PCDH15: variants seen among roughly 807,000 people sequenced by gnomAD.
PCDH15 encodes the protein protocadherin-15.
PCDH15 carries 129 observed loss-of-function variants against 178.5 expected under a neutral mutation model. The ratio of observed to expected loss-of-function variants is 0.72; its 90% CI spans 0.63 to 0.84. The LOEUF (loss-of-function observed/expected upper bound fraction) is 0.84, where lower values mean the gene tolerates loss of function less well. Among genes scored for constraint, PCDH15 ranks in the 40% least tolerant of loss-of-function variants. The pLI is 0.00. For missense variants in PCDH15, 2,230 were observed against 2,099.9 expected, an observed-to-expected ratio of 1.06 and a Z score of -1.21; for synonymous variants, 800 against 732.0, an observed-to-expected ratio of 1.09 and a Z score of -1.50.
rs948409364 is a variant in PCDH15, at chr10:55,487,032, T to C, written c.-156+140593A>G. Among the ~76,000 whole-genome samples the C allele has an allele frequency of 4.6e-5, 7 of 151,796 alleles. No homozygotes were observed. In the South Asian group the frequency reaches 8.3e-4, roughly 18 times the overall value. Reference sequence around the variant, plus strand: ...TCCTCATAAAATAGAAGTTTATTTTTAAATCTATACAAATTATAATGACAT... The same window carrying C: ...TCCTCATAAAATAGAAGTTTATTTTCAAATCTATACAAATTATAATGACAT... On this transcript the variant is annotated intron_variant, in intron 2 of 5. Coordinates refer to the PCDH15 transcript ENST00000613346.
At chr10:55,558,863 G>C (rs1202116710) in intron 2 of PCDH15, among the ~76,000 whole-genome samples, 5 of 151,938 alleles carry the variant, frequency 3.3e-5, no homozygotes, top group Admixed American at 3.3e-4. Context: ...TGTTATTTTT[G>C]TTGTTAGCAT....
intron 2 of PCDH15, among the ~76,000 whole-genome samples, chr10:54,569,816 T>C (rs890772320): frequency 5.9e-5 from 9 of 152,158 alleles, no homozygotes; most frequent in Non-Finnish European, 1.2e-4. Flanking sequence ...ATTCTTTTAG[T>C]TTCTCACTCA....
chr10:55,290,016 C>G (rs1024860425), intron 1 of PCDH15, among the ~76,000 whole-genome samples: 3 of 150,504 alleles, frequency 2.0e-5, no homozygotes, highest in African/African-American at 7.5e-5. Context: ...CACTAGATAC[C>G]TGAGTCATGT....
chr10:54,075,622 T>C (rs899152720), intron 17 of PCDH15, among the ~76,000 whole-genome samples: 1 of 152,210 alleles, frequency 6.6e-6, no homozygotes, highest in African/African-American at 2.4e-5. Context: ...CTTCTAAGAG[T>C]TCTATAGACT....
intron 1 of PCDH15, among the ~76,000 whole-genome samples, chr10:54,696,595 A>C (rs1181495670): frequency 6.6e-6 from 1 of 152,064 alleles, no homozygotes; most frequent in African/African-American, 2.4e-5. Context: ...GAAATCTTTC[A>C]TGAAAGAAGA....
At chr10:54,060,845 G>T (rs575872979) in intron 18 of PCDH15, among the ~76,000 whole-genome samples, 1 of 152,200 alleles carries the variant, frequency 6.6e-6, no homozygotes, top group South Asian at 2.1e-4. Flanking sequence ...AGCATAAGAG[G>T]TGAGGGTTGT....
intron 1 of PCDH15, among the ~76,000 whole-genome samples, chr10:54,771,291 C>T (rs960607981): frequency 2.0e-5 from 3 of 151,754 alleles, no homozygotes; most frequent in East Asian, 3.8e-4. Context: ...TTTAGATAGG[C>T]CTAGCCTTGT....
intron 1 of PCDH15, among the ~76,000 whole-genome samples, chr10:54,690,989 C>A (rs935884860): frequency 2.0e-5 from 3 of 151,910 alleles, no homozygotes; most frequent in African/African-American, 7.3e-5. Flanking sequence ...TCCCTAAAAA[C>A]TTCTTATATG....
At chr10:54,348,156 A>G (rs1565039346) in intron 5 of PCDH15, among the ~76,000 whole-genome samples, 1 of 152,158 alleles carries the variant, frequency 6.6e-6, no homozygotes, top group Non-Finnish European at 1.5e-5. Context: ...CTGACAACAG[A>G]TTTTTAAACA....
intron 3 of PCDH15, among the ~76,000 whole-genome samples, chr10:54,435,473 G>T (rs1360401433): frequency 2.6e-5 from 4 of 152,148 alleles, no homozygotes; most frequent in Non-Finnish European, 5.9e-5. Flanking sequence ...GGACTATATT[G>T]CAGACAAAGG....
At chr10:53,819,443 A>T (rs2076177457) in intron 33 of PCDH15, among the ~76,000 whole-genome samples, 1 of 152,004 alleles carries the variant, frequency 6.6e-6, no homozygotes, top group Non-Finnish European at 1.5e-5. Flanking sequence ...TACATAACAG[A>T]ACTACTACTT....
intron 1 of PCDH15, among the ~76,000 whole-genome samples, chr10:55,258,591 A>G (rs2132232385): frequency 6.6e-6 from 1 of 152,210 alleles, no homozygotes; most frequent in South Asian, 2.1e-4. Flanking sequence ...CTGCAGACCC[A>G]TATGGAAGAT....
At chr10:55,616,289 T>A (rs762045205) in intron 2 of PCDH15, among the ~76,000 whole-genome samples, 18 of 152,136 alleles carry the variant, frequency 1.2e-4, no homozygotes, top group Non-Finnish European at 2.6e-4. Flanking sequence ...TACCAATAGA[T>A]ACAATGAAAC....
chr10:54,132,129 A>G (rs900782065), intron 15 of PCDH15, among the ~76,000 whole-genome samples: 69 of 152,310 alleles, frequency 4.5e-4, no homozygotes, highest in African/African-American at 1.6e-3. Context: ...ATTCATATAG[A>G]AAATAGTACG....
chr10:54,468,107 CT>C (rs892943073), intron 3 of PCDH15, among the ~76,000 whole-genome samples: 1 of 151,742 alleles, frequency 6.6e-6, no homozygotes, highest in Non-Finnish European at 1.5e-5. Context: ...TGGAAAACAA[CT>C]TTTTGTTTTG....
At chr10:54,389,634 T>C (rs1227054469) in intron 3 of PCDH15, among the ~76,000 whole-genome samples, 1 of 152,142 alleles carries the variant, frequency 6.6e-6, no homozygotes, top group Non-Finnish European at 1.5e-5. Flanking sequence ...TTCAGCAATC[T>C]GTGTTTAAAT....
intron 3 of PCDH15, among the ~76,000 whole-genome samples, chr10:54,859,832 T>G (rs7085479): frequency 0.35 from 53,582 of 151,498 alleles, 9,815 homozygotes; most frequent in Non-Finnish European, 0.4. Context: ...TAATATAAAG[T>G]CGTAGTGCTA....
chr10:53,803,279 A>G lies in PCDH15; in HGVS notation c.*3300T>C, dbSNP rs560833722. ...CTAATTAAATTCAAGTGGTATATAA[A>G]TCCCACTTAAGGTATAAAGTGCAGA... On this transcript the variant is annotated 3_prime_UTR_variant, in exon 38 of 38. Transcript: ENST00000644397. 6.6e-6 allele frequency: 1 copy of G among 152,078 alleles called. No individual in the cohort carries two copies. The highest frequency in any genetic ancestry group is 2.1e-4 in the South Asian group (1 of 4,828). 9.4% of individuals were successfully genotyped at this position (152,078 alleles called of 1,614,324 possible).
chr10:55,398,427 G>C (rs1463815435), intron 2 of PCDH15, among the ~76,000 whole-genome samples: 2 of 152,244 alleles, frequency 1.3e-5, no homozygotes, highest in African/African-American at 2.4e-5. Flanking sequence ...AATGGAATAT[G>C]AAAAGTATTA....
Sources: allele counts gnomAD v4.1 joint callset (sites outside exome capture counted in the v4.1 genomes callset), GRCh38; gene constraint gnomAD v4.1.1; transcripts MANE v1.5; gene names NCBI Gene and HGNC (gene_info 2026-07-23, HGNC 2026-07-21).